SYT17: variants seen among roughly 807,000 people sequenced by gnomAD.
SYT17 encodes synaptotagmin-17.
A neutral mutation model predicts 46.7 loss-of-function variants in SYT17; 22 were observed. The ratio of observed to expected loss-of-function variants is 0.47; its 90% CI spans 0.34 to 0.67. SYT17 has a LOEUF of 0.67. SYT17 is among the 30% of genes least tolerant of loss of function. SYT17 has a pLI of 0.01. For missense variants in SYT17, 519 were observed against 612.8 expected (o/e 0.85, Z 1.62); for synonymous variants, 251 against 248.4 (o/e 1.01, Z -0.10).
At chr16:19,197,038 T>A (rs372474282) in intron 5 of SYT17, among the ~76,000 whole-genome samples, 2 of 152,342 alleles carry the variant, frequency 1.3e-5, no homozygotes, top group South Asian at 2.1e-4. Context: ...ACTCACCACC[T>A]GGCACCTTAC....
At chr16:19,175,855 A>G (rs1029615835) in intron 3 of SYT17, among the ~76,000 whole-genome samples, 1 of 152,152 alleles carries the variant, frequency 6.6e-6, no homozygotes, top group Non-Finnish European at 1.5e-5. Context: ...TCATCAGTTG[A>G]AAAGTTAATC....
chr16:19,238,334 C>G (rs1023825688), intron 7 of SYT17, among the ~76,000 whole-genome samples: 1 of 152,212 alleles, frequency 6.6e-6, no homozygotes, highest in Non-Finnish European at 1.5e-5. Flanking sequence ...TGGCATAAAG[C>G]AAGGGCTCAG....
At chr16:19,259,680 T>TG (rs1286350447) in intron 7 of SYT17, among the ~76,000 whole-genome samples, 1 of 124,830 alleles carries the variant, frequency 8.0e-6, no homozygotes, top group Non-Finnish European at 1.8e-5. Flanking sequence ...CTGAATGTTT[T>TG]GATTTTTTTT....
chr16:19,224,860 G>A (rs1596980455), intron 7 of SYT17, 22 bp downstream of exon 7: 2 of 1,613,028 alleles, frequency 1.2e-6, no homozygotes, highest in Non-Finnish European at 1.7e-6. Context: ...TCCAAAACCC[G>A]ATGAACTCCA....
intron 7 of SYT17, among the ~76,000 whole-genome samples, chr16:19,256,280 A>G (rs946202132): frequency 6.6e-6 from 1 of 151,956 alleles, no homozygotes; most frequent in Non-Finnish European, 1.5e-5. Context: ...CACTCATTCA[A>G]AAGTCAGAGC....
intron 5 of SYT17, among the ~76,000 whole-genome samples, chr16:19,202,788 G>A (rs375164606): frequency 2.1e-4 from 32 of 152,210 alleles, no homozygotes; most frequent in East Asian, 1.2e-3. Flanking sequence ...GTGCAGTGGC[G>A]CAATGATGGC....
intron 5 of SYT17, among the ~76,000 whole-genome samples, chr16:19,195,878 G>A (rs867124422): frequency 3.3e-5 from 5 of 151,916 alleles, no homozygotes; most frequent in Middle Eastern, 6.4e-3. Context: ...GCAGCAACTC[G>A]GGAGGCTAAG....
chr16:19,233,257 G>C (rs779185892), intron 7 of SYT17, among the ~76,000 whole-genome samples: 3 of 152,196 alleles, frequency 2.0e-5, no homozygotes, highest in Non-Finnish European at 4.4e-5. Flanking sequence ...TGAGATGGGT[G>C]GGAAGGCACG....
intron 5 of SYT17, among the ~76,000 whole-genome samples, chr16:19,203,952 G>T (rs1965567239): frequency 6.6e-6 from 1 of 152,198 alleles, no homozygotes; most frequent in Non-Finnish European, 1.5e-5. Flanking sequence ...GGAAGCTGGG[G>T]AATGAAAAGC....
intron 7 of SYT17, among the ~76,000 whole-genome samples, chr16:19,236,331 C>G (rs561825918): frequency 1.3e-5 from 2 of 152,292 alleles, no homozygotes; most frequent in East Asian, 3.9e-4. Flanking sequence ...AATCTTTCAA[C>G]AAACATATAA....
At position 19,266,735 on chromosome 16, in the gene SYT17, AAGAC is replaced by A. The variant is rs1451260023; in HGVS notation, c.1229-142_1229-139del. On this transcript the variant is annotated intron_variant, in intron 7 of 7. Transcript: ENST00000355377. ...TGGACTTCTCACCAAGAAAAGGAAA[AAGAC>A]AGCGTGCCCTAAACGATGACCCCCA... 15 of 620,542 alleles carry A rather than the reference AAGAC, an allele frequency of 2.4e-5. No homozygotes were observed. In the African/African-American group the frequency reaches 2.4e-4, roughly 10 times the overall value. 38.4% of individuals were successfully genotyped at this position (620,542 alleles called of 1,614,324 possible).
intron 7 of SYT17, among the ~76,000 whole-genome samples, chr16:19,235,105 C>T (rs181717461): frequency 6.6e-6 from 1 of 152,274 alleles, no homozygotes; most frequent in African/African-American, 2.4e-5. Flanking sequence ...GGGAAGTGAG[C>T]TGCAGAGCGA....
chr16:19,237,787 C>G (rs1416017041), intron 7 of SYT17, among the ~76,000 whole-genome samples: 1 of 152,196 alleles, frequency 6.6e-6, no homozygotes, highest in African/African-American at 2.4e-5. Flanking sequence ...CCCTCATGGA[C>G]TAAGCCCTAC....
At chr16:19,220,914 G>C (rs1044833161) in intron 5 of SYT17, among the ~76,000 whole-genome samples, 37 of 152,118 alleles carry the variant, frequency 2.4e-4, no homozygotes, top group East Asian at 9.7e-4. Context: ...GAACCTGTCT[G>C]GGCATGATGG....
At chr16:19,214,075 C>A (rs889365001) in intron 5 of SYT17, among the ~76,000 whole-genome samples, 5 of 152,104 alleles carry the variant, frequency 3.3e-5, no homozygotes, top group African/African-American at 9.7e-5. Flanking sequence ...AGTAGCAGAC[C>A]CTACCCTATT....
At chr16:19,246,238 C>T (rs1360368353) in intron 7 of SYT17, among the ~76,000 whole-genome samples, 4 of 151,990 alleles carry the variant, frequency 2.6e-5, no homozygotes, top group African/African-American at 7.2e-5. Flanking sequence ...GTGATCTGCC[C>T]GCCTCAGCCT....
intron 7 of SYT17, among the ~76,000 whole-genome samples, chr16:19,237,699 C>T (rs1966867876): frequency 6.6e-6 from 1 of 152,230 alleles, no homozygotes; most frequent in South Asian, 2.1e-4. Flanking sequence ...AGCTGTCACA[C>T]TGCTGCTTCA....
intron 6 of SYT17, among the ~76,000 whole-genome samples, chr16:19,223,795 A>G (rs1966407296): frequency 6.6e-6 from 1 of 152,206 alleles, no homozygotes; most frequent in Admixed American, 6.5e-5. Flanking sequence ...GACACCTTGC[A>G]TTCTCAAAAG....
intron 7 of SYT17, among the ~76,000 whole-genome samples, chr16:19,228,924 T>C (rs760754349): frequency 1.3e-5 from 2 of 152,244 alleles, no homozygotes; most frequent in Non-Finnish European, 2.9e-5. Flanking sequence ...GGTAAAAGCC[T>C]GTAATTAGCT....
Sources: allele counts gnomAD v4.1 joint callset (sites outside exome capture counted in the v4.1 genomes callset), GRCh38; gene constraint gnomAD v4.1.1; transcripts MANE v1.5; gene names NCBI Gene and HGNC (gene_info 2026-07-23, HGNC 2026-07-21).